The following NALCN variants were observed in gnomAD, a reference collection of about 807,000 sequenced individuals.
NALCN encodes the protein sodium leak channel NALCN.
Under a neutral mutation model 225.3 loss-of-function variants are expected in NALCN, and 111 were observed. The ratio of observed to expected loss-of-function variants is 0.49; its 90% CI spans 0.42 to 0.58. NALCN has a LOEUF of 0.58. NALCN is among the 20% of genes least tolerant of loss of function. The pLI is 0.00. For synonymous variants in NALCN, 764 were observed against 769.0 expected (o/e 0.99, Z 0.11); for missense variants, 1,378 against 2,202.4 (o/e 0.63, Z 7.49).
chr13:101,128,798 A>G (rs1312668553), intron 17 of NALCN, among the ~76,000 whole-genome samples: 4 of 152,062 alleles, frequency 2.6e-5, no homozygotes. Context: ...CCTGGGCTCA[A>G]GTGATCCTCC....
intron 7 of NALCN, among the ~76,000 whole-genome samples, chr13:101,314,201 G>A (rs1461368875): frequency 2.0e-5 from 3 of 151,034 alleles, no homozygotes; most frequent in Non-Finnish European, 2.9e-5. Flanking sequence ...TTGGAGATAG[G>A]CCTAATGCTA....
intron 28 of NALCN, among the ~76,000 whole-genome samples, chr13:101,090,858 A>T (rs962665737): frequency 6.6e-6 from 1 of 151,736 alleles, no homozygotes. Flanking sequence ...CCAACCTATG[A>T]CCTCCTTCCT....
intron 18 of NALCN, among the ~76,000 whole-genome samples, chr13:101,117,231 A>G (rs939242500): frequency 6.6e-6 from 1 of 152,218 alleles, no homozygotes; most frequent in African/African-American, 2.4e-5. Context: ...GAATGTCTTT[A>G]TCTTACGCAC....
chr13:101,073,491 T>A, intron 37 of NALCN, 93 bp downstream of exon 37: 1 of 1,027,826 alleles, frequency 9.7e-7, no homozygotes. Context: ...CATAAAGTCT[T>A]AACGCTAACA....
intron 1 of NALCN, among the ~76,000 whole-genome samples, chr13:101,410,636 C>T (rs536613115): frequency 6.6e-6 from 1 of 152,104 alleles, no homozygotes; most frequent in Non-Finnish European, 1.5e-5. Context: ...CTTTAAATTG[C>T]CATTCAATGC....
chr13:101,082,317 C>T (rs1181863809), intron 33 of NALCN, among the ~76,000 whole-genome samples: 1 of 152,160 alleles, frequency 6.6e-6, no homozygotes, highest in Non-Finnish European at 1.5e-5. Flanking sequence ...CGTTTTATGA[C>T]TAGTTCTGAT....
intron 7 of NALCN, among the ~76,000 whole-genome samples, chr13:101,334,392 A>G (rs1385846677): frequency 6.6e-6 from 1 of 152,100 alleles, no homozygotes; most frequent in Non-Finnish European, 1.5e-5. Flanking sequence ...GAGGCAATCC[A>G]GGAAGAATGG....
At chr13:101,249,006 C>T (rs933751655) in intron 11 of NALCN, among the ~76,000 whole-genome samples, 8 of 151,944 alleles carry the variant, frequency 5.3e-5, no homozygotes, top group Admixed American at 1.3e-4. Context: ...GTTAGTATCT[C>T]GAGTAAGGGT....
At chr13:101,391,639 C>T (rs370540289) in intron 3 of NALCN, among the ~76,000 whole-genome samples, 1 of 151,600 alleles carries the variant, frequency 6.6e-6, no homozygotes, top group South Asian at 2.1e-4. Context: ...GCTATGATCA[C>T]ACCACTACAC....
At chr13:101,396,613 AGCCAC>A (rs2047300605) in intron 2 of NALCN, among the ~76,000 whole-genome samples, 1 of 152,126 alleles carries the variant, frequency 6.6e-6, no homozygotes, top group African/African-American at 2.4e-5. Flanking sequence ...ATACCACATA[AGCCAC>A]TGATGATTCA....
At chr13:101,203,301 C>T (rs1355464466) in intron 13 of NALCN, among the ~76,000 whole-genome samples, 2 of 152,192 alleles carry the variant, frequency 1.3e-5, no homozygotes, top group African/African-American at 4.8e-5. Flanking sequence ...CTGCAACCTC[C>T]ACCTTCCAGG....
intron 11 of NALCN, among the ~76,000 whole-genome samples, chr13:101,254,885 T>C (rs56086610): frequency 0.42 from 22,653 of 54,022 alleles, 5,095 homozygotes; most frequent in East Asian, 0.57. Flanking sequence ...AGCGAGACTC[T>C]GTCTCAAAAA....
At chr13:101,157,091 A>G (rs1435365336) in intron 15 of NALCN, among the ~76,000 whole-genome samples, 1 of 152,220 alleles carries the variant, frequency 6.6e-6, no homozygotes, top group Non-Finnish European at 1.5e-5. Context: ...CCCAGTAACA[A>G]TCTAACAAAA....
At chr13:101,328,920 A>G (rs1163249623) in intron 7 of NALCN, among the ~76,000 whole-genome samples, 1 of 152,148 alleles carries the variant, frequency 6.6e-6, no homozygotes, top group East Asian at 1.9e-4. Flanking sequence ...GCTCTACCCC[A>G]TGACAGGTGA....
At chr13:101,239,117 G>T (rs2041668783) in intron 11 of NALCN, among the ~76,000 whole-genome samples, 1 of 151,900 alleles carries the variant, frequency 6.6e-6, no homozygotes, top group African/African-American at 2.4e-5. Context: ...GGTATTTCAT[G>T]TTAATGTCAT....
In NALCN at chr13:101,069,744, A is replaced by G. The variant is rs143395022; in HGVS notation, c.4198-917T>C. Among the ~76,000 whole-genome samples the G allele has an allele frequency of 1.8e-4, 27 of 152,322 alleles. No homozygotes were observed. In the East Asian group the frequency reaches 4.2e-3, roughly 24 times the overall value. ...ATCGAGTAATTTTATGTAACATTATAAATCCTTTGTTGTCATTATGACTAT... is the reference window on the plus strand; with the variant it reads ...ATCGAGTAATTTTATGTAACATTATGAATCCTTTGTTGTCATTATGACTAT... On this transcript the variant is annotated intron_variant, in intron 37 of 43. Transcript: ENST00000251127.
At chr13:101,232,322 G>A (rs1214664518) in intron 12 of NALCN, among the ~76,000 whole-genome samples, 1 of 152,106 alleles carries the variant, frequency 6.6e-6, no homozygotes, top group African/African-American at 2.4e-5. Context: ...GAAAAAAAAT[G>A]ACTAAAGCAT....
At chr13:101,236,152 A>G (rs2041545561) in intron 12 of NALCN, among the ~76,000 whole-genome samples, 1 of 152,226 alleles carries the variant, frequency 6.6e-6, no homozygotes, top group African/African-American at 2.4e-5. Flanking sequence ...GCCAAAAAAC[A>G]CATGGAAAAA....
intron 27 of NALCN, among the ~76,000 whole-genome samples, chr13:101,096,799 T>C (rs1594195630): frequency 6.6e-6 from 1 of 152,216 alleles, no homozygotes; most frequent in African/African-American, 2.4e-5. Context: ...CATTTCCTAT[T>C]CTCCCTTTGG....
Sources: gnomAD v4.1 joint callset for allele counts (sites outside exome capture counted in the v4.1 genomes callset) on GRCh38, gnomAD v4.1.1 for gene constraint, MANE v1.5 for transcripts, NCBI Gene and HGNC (gene_info 2026-07-23, HGNC 2026-07-21) for gene names.